Variants in CDH4 observed in about 807,000 individuals in gnomAD.
CDH4 encodes the protein cadherin 4.
A neutral mutation model predicts 86.0 loss-of-function variants in CDH4; 33 were observed. The ratio of observed to expected loss-of-function variants is 0.38; its 90% CI spans 0.29 to 0.51. The LOEUF (loss-of-function observed/expected upper bound fraction) is 0.51. Ranked by LOEUF, CDH4 falls within the 20% of genes least tolerant of loss-of-function variation. The pLI is 0.86. For synonymous variants in CDH4, 555 were observed against 549.4 expected, an observed-to-expected ratio of 1.01 and a Z score of -0.14; for missense variants, 1,114 against 1,307.4, an observed-to-expected ratio of 0.85 and a Z score of 2.28.
intron 2 of CDH4, among the ~76,000 whole-genome samples, chr20:61,328,240 A>G (rs778879605): frequency 1.3e-5 from 2 of 152,082 alleles, no homozygotes; most frequent in East Asian, 1.9e-4. Context: ...CAGTGGTGCA[A>G]TCTCGGCTCA....
intron 6 of CDH4, among the ~76,000 whole-genome samples, chr20:61,870,416 C>T (rs887030650): frequency 1.1e-4 from 16 of 152,236 alleles, no homozygotes; most frequent in African/African-American, 3.9e-4. Context: ...GAGAGACCGT[C>T]ATTCTCAGAA....
At chr20:61,473,745 ACAGACACG>A (rs374134552) in intron 2 of CDH4, among the ~76,000 whole-genome samples, 4 of 152,174 alleles carry the variant, frequency 2.6e-5, no homozygotes, top group Admixed American at 6.6e-5. Context: ...ATACACACAC[ACAGACACG>A]CAGACACACA....
intron 2 of CDH4, among the ~76,000 whole-genome samples, chr20:61,481,689 G>A (rs2085569157): frequency 6.6e-6 from 1 of 152,168 alleles, no homozygotes. Flanking sequence ...AAAAATGCTG[G>A]CTGCAAGCAC....
chr20:61,522,983 C>T (rs114004190), intron 2 of CDH4, among the ~76,000 whole-genome samples: 3 of 152,162 alleles, frequency 2.0e-5, no homozygotes, highest in South Asian at 2.1e-4. Context: ...ATGTGGCCTG[C>T]AGACCAGTTG....
intron 6 of CDH4, among the ~76,000 whole-genome samples, chr20:61,861,890 G>A (rs1983344774): frequency 6.6e-6 from 1 of 152,144 alleles, no homozygotes; most frequent in South Asian, 2.1e-4. Context: ...GGGAACGCAG[G>A]AACCCCACCC....
At chr20:61,815,907 GC>G (rs1980691692) in intron 4 of CDH4, among the ~76,000 whole-genome samples, 1 of 152,208 alleles carries the variant, frequency 6.6e-6, no homozygotes, top group Non-Finnish European at 1.5e-5. Context: ...GAGCCGCAAT[GC>G]CCGCGTTCAT....
Position 61,916,093 on chromosome 20 carries a change from G to A in CDH4, c.1374+5486G>A, listed in dbSNP as rs908805176. Among the ~76,000 whole-genome samples, 5 of 151,422 alleles carry A rather than the reference G, an allele frequency of 3.3e-5. No homozygotes were observed. The South Asian group carries it at 6.3e-4, about 19-fold the overall frequency. ...TGTGTATTTAGTCTGGGGATGCTTC[G>A]CCTTAGAAAACATTTCCAAAATTGG... On this transcript the variant is annotated intron_variant, in intron 9 of 15. Coordinates refer to ENST00000614565, the MANE Select transcript of CDH4 (RefSeq NM_001794.5).
chr20:61,437,621 C>G (rs2085291473), intron 2 of CDH4: 1 of 152,228 alleles, frequency 6.6e-6, no homozygotes, highest in Non-Finnish European at 1.5e-5. Flanking sequence ...AATGGATCGT[C>G]AGTGTGTTCG....
chr20:61,840,138 A>G (rs1253332667), intron 4 of CDH4, among the ~76,000 whole-genome samples: 1 of 152,170 alleles, frequency 6.6e-6, no homozygotes, highest in East Asian at 1.9e-4. Flanking sequence ...TCGTGGGAGA[A>G]GCCCTAATTC....
chr20:61,273,575 G>C (rs564810530), intron 2 of CDH4, among the ~76,000 whole-genome samples: 4 of 146,040 alleles, frequency 2.7e-5, no homozygotes, highest in African/African-American at 1.0e-4. Context: ...TGCAGTTTGG[G>C]GGAATACCGA....
intron 6 of CDH4, among the ~76,000 whole-genome samples, chr20:61,866,667 A>T (rs1242907166): frequency 6.6e-6 from 1 of 152,200 alleles, no homozygotes; most frequent in Non-Finnish European, 1.5e-5. Flanking sequence ...GCGTTCCAGC[A>T]GGTGTGTTGG....
chr20:61,500,492 T>C (rs1017963190), intron 2 of CDH4, among the ~76,000 whole-genome samples: 65 of 152,364 alleles, frequency 4.3e-4, no homozygotes, highest in African/African-American at 1.4e-3. Context: ...CTCTGGGTCC[T>C]GTCTCAGGCC....
intron 8 of CDH4, among the ~76,000 whole-genome samples, chr20:61,906,018 G>A (rs749027402): frequency 6.6e-6 from 1 of 152,178 alleles, no homozygotes; most frequent in Non-Finnish European, 1.5e-5. Context: ...CTCAGGCTGC[G>A]AATGGCGGCT....
At chr20:61,904,043 G>A (rs936374155) in intron 8 of CDH4, among the ~76,000 whole-genome samples, 4 of 152,206 alleles carry the variant, frequency 2.6e-5, no homozygotes, top group East Asian at 1.9e-4. Flanking sequence ...CTGAGTGGCC[G>A]CCCCTGGGAC....
At position 61,590,880 on chromosome 20, in the gene CDH4, G is replaced by GGC. The variant is rs1568700979; in HGVS notation, c.170-152682_170-152681insCG. ...GCCTTGTCTTCCCTAAATCTATGGG[G>GGC]GGGGGGGTCCCCGGGTCTCCAGGCT... is the stretch of plus-strand genomic sequence containing the variant. On this transcript the variant is annotated intron_variant, in intron 2 of 15. Coordinates refer to ENST00000614565, the MANE Select transcript of CDH4 (RefSeq NM_001794.5). Among the ~76,000 whole-genome samples, 44 of 139,740 alleles carry GGC rather than the reference G, an allele frequency of 3.1e-4. 1 individual carries two copies. Among genetic ancestry groups the GGC allele is most frequent in the East Asian group, 2.3e-3 (12 of 5,174 alleles). 91.7% of individuals were successfully genotyped at this position (139,740 alleles called of 152,430 possible).
At chr20:61,597,306 T>C (rs1051122334) in intron 2 of CDH4, among the ~76,000 whole-genome samples, 1 of 152,224 alleles carries the variant, frequency 6.6e-6, no homozygotes, top group African/African-American at 2.4e-5. Flanking sequence ...TGCACCCACC[T>C]CTTGCCTCTG....
intron 2 of CDH4, among the ~76,000 whole-genome samples, chr20:61,412,924 G>A (rs1046249363): frequency 2.0e-5 from 3 of 152,186 alleles, no homozygotes; most frequent in Admixed American, 6.5e-5. Context: ...AGACCCTGAG[G>A]GGCTGTTTCC....
chr20:61,326,484 A>T (rs1185982221), intron 2 of CDH4, among the ~76,000 whole-genome samples: 2 of 152,264 alleles, frequency 1.3e-5, no homozygotes, highest in Admixed American at 6.5e-5. Flanking sequence ...TGGTGCAAGC[A>T]TCACCCTGAA....
At chr20:61,303,320 C>G (rs1010189114) in intron 2 of CDH4, among the ~76,000 whole-genome samples, 2 of 152,208 alleles carry the variant, frequency 1.3e-5, no homozygotes, top group African/African-American at 4.8e-5. Context: ...GGGTGGCCTT[C>G]CTGCTGCTGG....
Sources: allele counts gnomAD v4.1 joint callset (sites outside exome capture counted in the v4.1 genomes callset), GRCh38; gene constraint gnomAD v4.1.1; transcripts MANE v1.5; gene names NCBI Gene and HGNC (gene_info 2026-07-23, HGNC 2026-07-21).